The following BICRA variants were observed in gnomAD, a reference collection of about 807,000 sequenced individuals.
BICRA encodes the protein BRD4-interacting chromatin-remodeling complex-associated protein.
Under a neutral mutation model 96.9 loss-of-function variants are expected in BICRA, and 31 were observed. The observed-to-expected ratio is 0.32, with a 90% confidence interval of 0.24 to 0.43. BICRA has a LOEUF of 0.43. Ranked by LOEUF, BICRA falls within the 20% of genes least tolerant of loss-of-function variation. BICRA has a pLI of 1.00. For missense variants in BICRA, 2,283 were observed against 2,190.3 expected, an observed-to-expected ratio of 1.04 and a Z score of -0.84; for synonymous variants, 1,350 against 1,071.8, an observed-to-expected ratio of 1.26 and a Z score of -5.07.
chr19:47,631,591 C>T (rs1327053670), intron 1 of BICRA, among the ~76,000 whole-genome samples: 1 of 152,142 alleles, frequency 6.6e-6, no homozygotes, highest in East Asian at 1.9e-4. Flanking sequence ...TCTCAAACTC[C>T]TGGCCTCAAG....
intron 1 of BICRA, among the ~76,000 whole-genome samples, chr19:47,644,930 C>T (rs538751251): frequency 6.6e-6 from 1 of 152,374 alleles, no homozygotes; most frequent in East Asian, 1.9e-4. Flanking sequence ...TCCTCTTTCT[C>T]TCTCTGTCCT....
chr19:47,688,849 GTC>G (rs147430958), intron 7 of BICRA, among the ~76,000 whole-genome samples: 8 of 150,296 alleles, frequency 5.3e-5, no homozygotes, highest in Non-Finnish European at 7.4e-5. Flanking sequence ...TTGAGACAGA[GTC>G]TCTCTCTCTC....
At chr19:47,620,879 C>G (rs941766944) in intron 1 of BICRA, among the ~76,000 whole-genome samples, 1 of 151,946 alleles carries the variant, frequency 6.6e-6, no homozygotes, top group African/African-American at 2.4e-5. Context: ...AGGCCTCTTC[C>G]GGCAGCAGCA....
chr19:47,649,784 C>T (rs747196902), intron 1 of BICRA, among the ~76,000 whole-genome samples: 5 of 152,072 alleles, frequency 3.3e-5, no homozygotes, highest in Admixed American at 1.3e-4. Context: ...CAGATCCCTA[C>T]CTCACACTGT....
chr19:47,642,924 T>G (rs1351079860), intron 1 of BICRA, among the ~76,000 whole-genome samples: 1 of 152,218 alleles, frequency 6.6e-6, no homozygotes, highest in Non-Finnish European at 1.5e-5. Context: ...TGTTGAACAT[T>G]GCATTGATTT....
chr19:47,654,707 C>T (rs560249627), intron 1 of BICRA, among the ~76,000 whole-genome samples: 1 of 151,678 alleles, frequency 6.6e-6, no homozygotes, highest in African/African-American at 2.4e-5. Context: ...AATCCCAGCA[C>T]TTTGGGAGGC....
Position 47,689,686 on chromosome 19 carries a change from T to G in BICRA, c.2284-4429T>G, listed in dbSNP as rs1369015750. Among the ~76,000 whole-genome samples, 4 of 152,132 alleles carry G rather than the reference T, an allele frequency of 2.6e-5. No homozygotes were observed. The South Asian group carries it at 6.2e-4, about 24-fold the overall frequency. On this transcript the variant is annotated intron_variant, in intron 7 of 14. Coordinates refer to ENST00000594866, the MANE Select transcript of BICRA (RefSeq NM_001394372.1). ...CTGGCCTCCCAAAGTACTGGGATTATTATAGGCGTGAGCCACCACGCCTGG... is the reference window on the plus strand; with the variant it reads ...CTGGCCTCCCAAAGTACTGGGATTAGTATAGGCGTGAGCCACCACGCCTGG...
At chr19:47,683,624 G>A (rs560567044) in intron 7 of BICRA, among the ~76,000 whole-genome samples, 2 of 147,092 alleles carry the variant, frequency 1.4e-5, no homozygotes, top group African/African-American at 5.0e-5. Context: ...TCGCTCTGTT[G>A]CCCAGGCTGG....
At chr19:47,608,505 A>AG (rs1253470424), upstream of BICRA, 1 of 152,170 alleles carries the variant, frequency 6.6e-6, no homozygotes, top group Non-Finnish European at 1.5e-5. Flanking sequence ...CCTCCGCCTC[A>AG]GGGGACGCGC....
chr19:47,684,587 T>A (rs1973117001), intron 7 of BICRA, among the ~76,000 whole-genome samples: 1 of 152,192 alleles, frequency 6.6e-6, no homozygotes, highest in Non-Finnish European at 1.5e-5. Context: ...CCCAGAGTGC[T>A]GGGATGACAG....
At chr19:47,664,074 TG>T (rs1972741257) in intron 1 of BICRA, among the ~76,000 whole-genome samples, 2 of 151,862 alleles carry the variant, frequency 1.3e-5, no homozygotes, top group Admixed American at 1.3e-4. Context: ...GGAGGAGAGG[TG>T]GGGAAATGGT....
rs755530675 is a variant in BICRA, at chr19:47,701,331, A to G, written c.3599A>G (p.Glu1200Gly). The G allele has an allele frequency of 6.2e-7, 1 of 1,609,470 alleles. No individual in the cohort carries two copies. The highest frequency in any genetic ancestry group is 8.5e-7 in the Non-Finnish European group (1 of 1,178,484). The change falls in exon 15 of 15, where the codon GAG becomes GGG. Residue 1200 changes from glutamate to glycine, a missense_variant. Coordinates refer to ENST00000594866, the MANE Select transcript of BICRA (RefSeq NM_001394372.1). This position sits in a 1 kb window ranked among gnomAD's most constrained non-coding sequence, Gnocchi z 5.4. ...TTTCTTTGCCCCGATTCTGCAGACGAGTACGTGTCTTCCTCCCGCTCGCTC... is the reference window on the plus strand; with the variant it reads ...TTTCTTTGCCCCGATTCTGCAGACGGGTACGTGTCTTCCTCCCGCTCGCTC... ...DKQLAKEKPD[E>G]YVSSSRSLGL...
intron 8 of BICRA, 29 bp downstream of exon 8, chr19:47,694,755 A>G: frequency 8.4e-7 from 1 of 1,195,552 alleles, no homozygotes; most frequent in Non-Finnish European, 1.2e-6. Flanking sequence ...TGCCCGCCCC[A>G]TCAGCCCCAT....
chr19:47,661,418 G>A (rs1049191525), intron 1 of BICRA, among the ~76,000 whole-genome samples: 9 of 151,940 alleles, frequency 5.9e-5, no homozygotes, highest in Admixed American at 3.9e-4. Context: ...AGGTCCAGTC[G>A]GTGGCCAGCG....
At position 47,634,919 on chromosome 19, in the gene BICRA, T is replaced by C. The variant is rs554961671; in HGVS notation, c.-108+25751T>C. ...CTGGGACTGCAGGCACCCGCCACCA[T>C]GCCTGGTTAATTTTTTGTATTTTTA... On this transcript the variant is annotated intron_variant, in intron 1 of 14. Transcript: ENST00000594866. 5.3e-5 allele frequency among the ~76,000 whole-genome samples: 8 copies of C among 151,828 alleles called. No homozygotes were observed. The East Asian group carries it at 1.4e-3, about 26-fold the overall frequency.
intron 1 of BICRA, among the ~76,000 whole-genome samples, chr19:47,615,077 G>C (rs376214122): frequency 1.5e-4 from 23 of 152,102 alleles, no homozygotes; most frequent in African/African-American, 5.6e-4. Flanking sequence ...TATCCTTCCT[G>C]GGCTCAAGTG....
chr19:47,634,045 CT>C (rs1015749009), intron 1 of BICRA, among the ~76,000 whole-genome samples: 1 of 152,240 alleles, frequency 6.6e-6, no homozygotes, highest in African/African-American at 2.4e-5. Context: ...CCGTTTCCCC[CT>C]CTTCATACAT....
chr19:47,610,777 C>T (rs1413663388), intron 1 of BICRA, among the ~76,000 whole-genome samples: 1 of 152,108 alleles, frequency 6.6e-6, no homozygotes, highest in Non-Finnish European at 1.5e-5. Flanking sequence ...TAACCTCTCC[C>T]AGCACCTGGG....
intron 1 of BICRA, among the ~76,000 whole-genome samples, chr19:47,611,577 T>C (rs1971907989): frequency 6.6e-6 from 1 of 152,196 alleles, no homozygotes. Context: ...AATGTTGATG[T>C]CTGGTTGTTC....
Sources: gnomAD v4.1 joint callset for allele counts (sites outside exome capture counted in the v4.1 genomes callset) on GRCh38, gnomAD v4.1.1 for gene constraint, Gnocchi (gnomAD v3.1) non-coding constraint, MANE v1.5 for transcripts, NCBI Gene and HGNC (gene_info 2026-07-23, HGNC 2026-07-21) for gene names.